Variants in SSBP2 observed in about 807,000 individuals in gnomAD.
The protein encoded by SSBP2 is single stranded DNA binding protein 2.
In SSBP2, 17 loss-of-function variants were observed where a neutral mutation model predicts 61.8. The ratio of observed to expected loss-of-function variants is 0.28; its 90% CI spans 0.19 to 0.41. SSBP2 has a LOEUF of 0.41. SSBP2 is among the 10% of genes least tolerant of loss of function. The pLI, the probability that SSBP2 is intolerant of heterozygous loss-of-function variation, is 1.00. For missense variants in SSBP2, 310 were observed against 458.7 expected (o/e 0.68, Z 2.96); for synonymous variants, 139 against 141.3 (o/e 0.98, Z 0.12).
intron 1 of SSBP2, among the ~76,000 whole-genome samples, chr5:81,663,297 T>C (rs1358525010): frequency 6.6e-6 from 1 of 152,162 alleles, no homozygotes; most frequent in Non-Finnish European, 1.5e-5. Flanking sequence ...TACATGTCCG[T>C]ATGTATGTAT....
At chr5:81,613,268 T>C (rs1323181820) in intron 4 of SSBP2, among the ~76,000 whole-genome samples, 1 of 45,840 alleles carries the variant, frequency 2.2e-5, no homozygotes, top group East Asian at 5.1e-3. Context: ...AAATACTGAT[T>C]TTTTTTCTAA....
At chr5:81,492,203 G>A (rs549043077) in intron 5 of SSBP2, among the ~76,000 whole-genome samples, 11 of 152,216 alleles carry the variant, frequency 7.2e-5, no homozygotes, top group South Asian at 2.1e-4. Flanking sequence ...AGAAGAATAG[G>A]TTCTTCAAGA....
At chr5:81,693,411 T>G (rs1013237738) in intron 1 of SSBP2, among the ~76,000 whole-genome samples, 14 of 152,024 alleles carry the variant, frequency 9.2e-5, no homozygotes, top group African/African-American at 3.4e-4. Context: ...TGGGAGAAAA[T>G]GTTTGCAAAC....
At chr5:81,668,248 T>TAAAAAAAAAAAAAAAAAAAAAAA (rs11332987) in intron 1 of SSBP2, among the ~76,000 whole-genome samples, 1 of 94,908 alleles carries the variant, frequency 1.1e-5, no homozygotes, top group Non-Finnish European at 2.0e-5. Flanking sequence ...TATGGAAGTT[T>TAAAAAAAAAAAAAAAAAAAAAAA]AAAAAAAAAA....
chr5:81,597,924 G>A (rs1471677154), intron 4 of SSBP2, among the ~76,000 whole-genome samples: 2 of 151,426 alleles, frequency 1.3e-5, no homozygotes, highest in Non-Finnish European at 2.9e-5. Context: ...GAGTTAATGG[G>A]TGCAGCACAC....
intron 5 of SSBP2, among the ~76,000 whole-genome samples, chr5:81,506,445 T>C (rs926970231): frequency 7.2e-5 from 11 of 152,288 alleles, no homozygotes; most frequent in Non-Finnish European, 1.2e-4. Flanking sequence ...ACCCTACTCA[T>C]TCAAACTAAG....
At chr5:81,647,381 T>A (rs942816408) in intron 2 of SSBP2, among the ~76,000 whole-genome samples, 2 of 152,142 alleles carry the variant, frequency 1.3e-5, no homozygotes, top group African/African-American at 4.8e-5. Flanking sequence ...ATACATGGCA[T>A]ACTTTGGCTT....
In SSBP2 at chr5:81,661,164, T is replaced by G. The variant is rs189693069; in HGVS notation, c.63-10825A>C. On this transcript the variant is annotated intron_variant, in intron 1 of 16. Coordinates refer to ENST00000320672, the MANE Select transcript of SSBP2 (RefSeq NM_012446.5). ...ATTCTGCACATGTATCCTGGAACTT[T>G]AAAAAATTGTTTTTTAAAGACAGGA... is the stretch of plus-strand genomic sequence containing the variant. Among the ~76,000 whole-genome samples the G allele has an allele frequency of 3.9e-5, 6 of 152,276 alleles. No individual in the cohort carries two copies. The East Asian group carries it at 1.2e-3, about 29-fold the overall frequency.
intron 3 of SSBP2, among the ~76,000 whole-genome samples, chr5:81,624,575 G>A (rs946537826): frequency 3.3e-5 from 5 of 152,086 alleles, no homozygotes; most frequent in Non-Finnish European, 7.4e-5. Flanking sequence ...TTGGATCTCA[G>A]GTTTTCAGAC....
chr5:81,462,865 T>C (rs1764636788), intron 9 of SSBP2, among the ~76,000 whole-genome samples: 1 of 152,114 alleles, frequency 6.6e-6, no homozygotes. Flanking sequence ...TAATGTTATG[T>C]AGATAATCTT....
At chr5:81,519,461 A>G (rs1769289764) in intron 4 of SSBP2, among the ~76,000 whole-genome samples, 1 of 152,170 alleles carries the variant, frequency 6.6e-6, no homozygotes, top group Admixed American at 6.5e-5. Context: ...CCAGCCAGGC[A>G]CATGGCATCC....
At chr5:81,751,203 C>G, upstream of SSBP2, 1 of 733,636 alleles carries the variant, frequency 1.4e-6, no homozygotes, top group Non-Finnish European at 2.3e-6. Context: ...GCGAGACTGA[C>G]AGGCCTCCCC....
At chr5:81,518,034 A>G (rs1210208744) in intron 4 of SSBP2, among the ~76,000 whole-genome samples, 3 of 152,092 alleles carry the variant, frequency 2.0e-5, no homozygotes, top group African/African-American at 4.8e-5. Context: ...TACACACTGA[A>G]TAACAATTTA....
intron 4 of SSBP2, among the ~76,000 whole-genome samples, chr5:81,587,901 C>T (rs1311715975): frequency 6.6e-6 from 1 of 152,092 alleles, no homozygotes. Flanking sequence ...ACACTGAGCC[C>T]AATCATTTTC....
At chr5:81,606,424 C>T (rs1450290597) in intron 4 of SSBP2, among the ~76,000 whole-genome samples, 2 of 152,072 alleles carry the variant, frequency 1.3e-5, no homozygotes, top group East Asian at 3.9e-4. Context: ...ACAAGTTCTA[C>T]CAGACCTAGC....
At chr5:81,628,857 C>T (rs1747429818) in intron 3 of SSBP2, among the ~76,000 whole-genome samples, 1 of 152,196 alleles carries the variant, frequency 6.6e-6, no homozygotes. Flanking sequence ...TCTCATCTCG[C>T]TGGCACTTTG....
At chr5:81,520,375 T>C (rs1294336926) in intron 4 of SSBP2, among the ~76,000 whole-genome samples, 1 of 152,192 alleles carries the variant, frequency 6.6e-6, no homozygotes, top group African/African-American at 2.4e-5. Context: ...TTGACATTGG[T>C]GTTCACAATT....
intron 4 of SSBP2, among the ~76,000 whole-genome samples, chr5:81,559,945 T>C (rs974128143): frequency 2.6e-5 from 4 of 152,180 alleles, no homozygotes; most frequent in African/African-American, 7.2e-5. Flanking sequence ...AATTTACTTA[T>C]TAAGCAAAAC....
At chr5:81,532,344 A>C (rs1212249616) in intron 4 of SSBP2, among the ~76,000 whole-genome samples, 1 of 152,132 alleles carries the variant, frequency 6.6e-6, no homozygotes, top group East Asian at 1.9e-4. Flanking sequence ...TTATCTACAC[A>C]GTCCACATCA....
Sources: allele counts gnomAD v4.1 joint callset (sites outside exome capture counted in the v4.1 genomes callset), GRCh38; gene constraint gnomAD v4.1.1; transcripts MANE v1.5; gene names NCBI Gene and HGNC (gene_info 2026-07-23, HGNC 2026-07-21).